DENND1A: variants seen among roughly 807,000 people sequenced by gnomAD.
The protein encoded by DENND1A is DENN domain-containing protein 1A.
In DENND1A, 51 loss-of-function variants were observed where a neutral mutation model predicts 113.7. The observed-to-expected ratio is 0.45, with a 90% CI of 0.36 to 0.57. The LOEUF (loss-of-function observed/expected upper bound fraction) is 0.57, where lower values mean the gene tolerates loss of function less well. DENND1A is among the 20% of genes least tolerant of loss of function. The pLI, the probability that DENND1A is intolerant of heterozygous loss-of-function variation, is 0.00. For synonymous variants in DENND1A, 565 were observed against 570.8 expected (o/e 0.99, Z 0.14); for missense variants, 1,258 against 1,395.9 (o/e 0.90, Z 1.57).
chr9:123,542,337 T>C (rs1461367901), intron 13 of DENND1A, among the ~76,000 whole-genome samples: 3 of 152,196 alleles, frequency 2.0e-5, no homozygotes, highest in Non-Finnish European at 2.9e-5. Flanking sequence ...GTAACTTGTG[T>C]AGAGTCACAC....
chr9:123,511,360 A>G (rs945798025), intron 13 of DENND1A, among the ~76,000 whole-genome samples: 5 of 152,242 alleles, frequency 3.3e-5, no homozygotes, highest in African/African-American at 1.2e-4. Context: ...GCTAGGTGCC[A>G]TGTCAGGCAC....
At chr9:123,395,996 T>TGTGTGC (rs1564413229) in intron 21 of DENND1A, among the ~76,000 whole-genome samples, 2 of 151,596 alleles carry the variant, frequency 1.3e-5, no homozygotes, top group Non-Finnish European at 2.9e-5. Flanking sequence ...TGTGTGTGTG[T>TGTGTGC]GCACGCGTGT....
chr9:123,816,615 T>C (rs1032020001), intron 2 of DENND1A, among the ~76,000 whole-genome samples: 5 of 152,206 alleles, frequency 3.3e-5, no homozygotes, highest in Non-Finnish European at 5.9e-5. Flanking sequence ...CACTAACAAA[T>C]ATTAGAAATC....
chr9:123,782,622 G>C (rs1831499318), intron 3 of DENND1A, among the ~76,000 whole-genome samples: 1 of 152,166 alleles, frequency 6.6e-6, no homozygotes, highest in Non-Finnish European at 1.5e-5. Context: ...AGTGGTTTAG[G>C]TTTTCTGATA....
At chr9:123,730,231 T>C (rs1389260945) in intron 5 of DENND1A, among the ~76,000 whole-genome samples, 1 of 152,044 alleles carries the variant, frequency 6.6e-6, no homozygotes, top group Admixed American at 6.6e-5. Flanking sequence ...ACAAAAGCAA[T>C]GGCAACAAAA....
At position 123,535,140 on chromosome 9, in the gene DENND1A, T is replaced by C. The variant is rs545952494; in HGVS notation, c.993+22430A>G. Among the ~76,000 whole-genome samples the C allele has an allele frequency of 3.9e-5, 6 of 152,336 alleles. No homozygotes were observed. The East Asian group carries it at 1.2e-3, about 29-fold the overall frequency. ...ACCACAGTGGTCTCTCCCTAGACCCTTGACTATTACCTGACGTTCACTCTG... is the reference window on the plus strand; with the variant it reads ...ACCACAGTGGTCTCTCCCTAGACCCCTGACTATTACCTGACGTTCACTCTG... On this transcript the variant is annotated intron_variant, in intron 13 of 23. Transcript: ENST00000394215.
intron 12 of DENND1A, among the ~76,000 whole-genome samples, chr9:123,558,622 T>C (rs2057561246): frequency 1.3e-5 from 2 of 152,050 alleles, no homozygotes; most frequent in Admixed American, 6.5e-5. Context: ...AACAAACCCG[T>C]TGGCCAAATG....
At chr9:123,699,835 T>A (rs368469059) in intron 5 of DENND1A, among the ~76,000 whole-genome samples, 97 of 152,062 alleles carry the variant, frequency 6.4e-4, no homozygotes, top group African/African-American at 2.3e-3. Flanking sequence ...GTAGCTGGGA[T>A]TACAGGCATG....
At chr9:123,549,338 G>A (rs968763100) in intron 13 of DENND1A, among the ~76,000 whole-genome samples, 1 of 152,104 alleles carries the variant, frequency 6.6e-6, no homozygotes, top group African/African-American at 2.4e-5. Flanking sequence ...CACAAGATGG[G>A]GGCACAGACA....
At chr9:123,708,208 C>T (rs1408832163) in intron 5 of DENND1A, among the ~76,000 whole-genome samples, 3 of 151,968 alleles carry the variant, frequency 2.0e-5, no homozygotes, top group Admixed American at 6.6e-5. Flanking sequence ...GGTTTGAATG[C>T]GAATGGTCAT....
chr9:123,443,027 T>A (rs1403497472), intron 18 of DENND1A, among the ~76,000 whole-genome samples: 1 of 152,200 alleles, frequency 6.6e-6, no homozygotes, highest in Non-Finnish European at 1.5e-5. Context: ...TTCCAGACCC[T>A]TGACCTTCAT....
chr9:123,439,316 T>C (rs906186063), intron 19 of DENND1A, among the ~76,000 whole-genome samples: 1 of 152,258 alleles, frequency 6.6e-6, no homozygotes, highest in Admixed American at 6.5e-5. Context: ...TATAAACATA[T>C]ATTATCTGAA....
chr9:123,897,536 T>C (rs967490313), intron 1 of DENND1A, among the ~76,000 whole-genome samples: 1 of 152,010 alleles, frequency 6.6e-6, no homozygotes, highest in African/African-American at 2.4e-5. Flanking sequence ...TACACAATCA[T>C]GGGAAGTACA....
At chr9:123,879,924 G>T (rs1848077802) in intron 1 of DENND1A, among the ~76,000 whole-genome samples, 1 of 151,976 alleles carries the variant, frequency 6.6e-6, no homozygotes, top group African/African-American at 2.4e-5. Context: ...GGATTCAATG[G>T]GCCTTCACCT....
At chr9:123,714,473 A>G (rs1345948503) in intron 5 of DENND1A, among the ~76,000 whole-genome samples, 2 of 152,048 alleles carry the variant, frequency 1.3e-5, no homozygotes, top group Non-Finnish European at 2.9e-5. Flanking sequence ...GTGGTGGTGC[A>G]TGCCTGTAAT....
chr9:123,538,908 A>T (rs769308538), intron 13 of DENND1A, among the ~76,000 whole-genome samples: 24 of 144,598 alleles, frequency 1.7e-4, no homozygotes, highest in Non-Finnish European at 2.9e-4. Flanking sequence ...TTGGAGGATG[A>T]TAGGGAACCA....
chr9:123,428,290 A>C (rs1291736198), intron 19 of DENND1A, among the ~76,000 whole-genome samples: 1 of 152,228 alleles, frequency 6.6e-6, no homozygotes, highest in Non-Finnish European at 1.5e-5. Flanking sequence ...AACAGAACTA[A>C]AGACAAAAAC....
At chr9:123,625,503 G>A (rs940998983) in intron 10 of DENND1A, among the ~76,000 whole-genome samples, 9 of 152,222 alleles carry the variant, frequency 5.9e-5, no homozygotes, top group Admixed American at 2.0e-4. Flanking sequence ...CAGTACTTTG[G>A]GAGGCTGAGG....
intron 13 of DENND1A, among the ~76,000 whole-genome samples, chr9:123,525,238 G>C (rs924457228): frequency 6.6e-6 from 1 of 152,196 alleles, no homozygotes. Context: ...CCAGGACCCA[G>C]GGAGCAGCCC....
Sources: gnomAD v4.1 joint callset for allele counts (sites outside exome capture counted in the v4.1 genomes callset) on GRCh38, gnomAD v4.1.1 for gene constraint, MANE v1.5 for transcripts, NCBI Gene and HGNC (gene_info 2026-07-23, HGNC 2026-07-21) for gene names.